MRTFA: variants seen among roughly 807,000 people sequenced by gnomAD.
The protein encoded by MRTFA is myocardin related transcription factor A.
Under a neutral mutation model 83.5 loss-of-function variants are expected in MRTFA, and 20 were observed. The ratio of observed to expected loss-of-function variants is 0.24; its 90% confidence interval spans 0.17 to 0.35. The LOEUF is 0.35. Ranked by LOEUF, MRTFA falls within the 10% of genes least tolerant of loss-of-function variation. The pLI is 1.00. For missense variants in MRTFA, 1,200 were observed against 1,224.7 expected, an observed-to-expected ratio of 0.98 and a Z score of 0.30; for synonymous variants, 659 against 541.2, an observed-to-expected ratio of 1.22 and a Z score of -3.02.
At chr22:40,545,789 A>G (rs977336098) in intron 3 of MRTFA, among the ~76,000 whole-genome samples, 1 of 146,540 alleles carries the variant, frequency 6.8e-6, no homozygotes. Context: ...GCTGGAGTGT[A>G]GTGGTGTGAT....
chr22:40,458,315 TTC>T (rs1484798803), intron 4 of MRTFA, among the ~76,000 whole-genome samples: 1 of 152,232 alleles, frequency 6.6e-6, no homozygotes, highest in African/African-American at 2.4e-5. Flanking sequence ...TGCAAAATGA[TTC>T]TGTTTAATAG....
intron 3 of MRTFA, among the ~76,000 whole-genome samples, chr22:40,487,915 A>G (rs1478611288): frequency 6.6e-6 from 1 of 152,340 alleles, no homozygotes; most frequent in South Asian, 2.1e-4. Flanking sequence ...CCTAATGCAT[A>G]TGAACCACCT....
chr22:40,533,202 T>C (rs1042941781), intron 3 of MRTFA, among the ~76,000 whole-genome samples: 3 of 152,138 alleles, frequency 2.0e-5, no homozygotes, highest in Non-Finnish European at 2.9e-5. Flanking sequence ...AATTTAAAGA[T>C]GCTTTCATAA....
At position 40,410,991 on chromosome 22, in the gene MRTFA, G is replaced by GAAGA. The variant is rs1250458593; in HGVS notation, c.*398_*399insTCTT. 4.1e-6 allele frequency: 1 copy of GAAGA among 241,744 alleles called. No homozygotes were observed. Among genetic ancestry groups the GAAGA allele is most frequent in the Non-Finnish European group, 8.0e-6 (1 of 124,526 alleles). The allele number at this position is 241,744 out of a possible 1,614,324, so 15.0% of individuals were successfully genotyped here. A position where few individuals can be genotyped will look rare whatever the true frequency, so the allele number is the denominator to read the frequency against. ...TTCACAGCAAAGCAGGGAGAGAAAG[G>GAAGA]AAGGAGATTCACCCCTTAACCTGTC... is the stretch of plus-strand genomic sequence containing the variant. On this transcript the variant is annotated 3_prime_UTR_variant, in exon 15 of 15. Transcript: ENST00000355630.
intron 1 of MRTFA, among the ~76,000 whole-genome samples, chr22:40,610,614 T>C (rs2056375846): frequency 6.7e-6 from 1 of 149,838 alleles, no homozygotes; most frequent in East Asian, 2.1e-4. Flanking sequence ...ATCTCAAGTA[T>C]TGTACTTTTT....
chr22:40,454,084 G>A (rs1461716035), intron 4 of MRTFA, among the ~76,000 whole-genome samples: 4 of 152,010 alleles, frequency 2.6e-5, no homozygotes, highest in South Asian at 2.1e-4. Flanking sequence ...CCACTGATAG[G>A]AAAGAAAGTA....
chr22:40,417,795 C>T (rs1180562723), intron 12 of MRTFA: 1 of 380,236 alleles, frequency 2.6e-6, no homozygotes, highest in East Asian at 5.8e-5. Flanking sequence ...GCTCAGGGAC[C>T]CCTGTCTCCT....
chr22:40,485,713 G>T (rs567581022), intron 3 of MRTFA, among the ~76,000 whole-genome samples: 3 of 152,314 alleles, frequency 2.0e-5, no homozygotes, highest in South Asian at 4.1e-4. Flanking sequence ...TGGTGGGGAA[G>T]AGTAGGGAGG....
At chr22:40,551,341 G>A (rs1287545520) in intron 3 of MRTFA, among the ~76,000 whole-genome samples, 6 of 152,042 alleles carry the variant, frequency 3.9e-5, no homozygotes, top group Admixed American at 2.0e-4. Context: ...AACATGCCAA[G>A]AAATTTATTC....
chr22:40,580,071 T>C (rs980592258), intron 2 of MRTFA, among the ~76,000 whole-genome samples: 3 of 152,184 alleles, frequency 2.0e-5, no homozygotes, highest in Non-Finnish European at 4.4e-5. Context: ...ACCACATTCA[T>C]TGTACTTCTT....
rs146640938 is a variant in MRTFA, at chr22:40,504,899, C to G, written c.242-41613G>C. Among the ~76,000 whole-genome samples, 416 of 152,280 alleles carry G rather than the reference C, an allele frequency of 2.7e-3. 4 individuals carry two copies. The highest frequency in any genetic ancestry group is 9.6e-3 in the African/African-American group (398 of 41,544). On this transcript the variant is annotated intron_variant, in intron 3 of 14. Transcript: ENST00000355630. Reference sequence around the variant, plus strand: ...TTAAAACTTACCTATTCTAAGAAACCTTCTCAAAAAGCTGATCCTCTACTT... The same window carrying G: ...TTAAAACTTACCTATTCTAAGAAACGTTCTCAAAAAGCTGATCCTCTACTT...
intron 11 of MRTFA, among the ~76,000 whole-genome samples, chr22:40,419,910 AGGCAGACACTGCACCTGAAC>A (rs1157064230): frequency 6.6e-6 from 1 of 152,228 alleles, no homozygotes; most frequent in Non-Finnish European, 1.5e-5. Flanking sequence ...CTCTCTTCCC[AGGCAGACACTGCACCTGAAC>A]GGCAGAGTGA....
At chr22:40,423,735 T>G (rs1173560470) in intron 8 of MRTFA, 50 bp from the exon 9 acceptor site, 3 of 1,451,750 alleles carry the variant, frequency 2.1e-6, no homozygotes, top group African/African-American at 2.9e-5. Flanking sequence ...AGGTAGGGTG[T>G]GCCCAGCCTG....
In MRTFA at chr22:40,411,374, G is replaced by C; in HGVS notation, c.*16C>G. On this transcript the variant is annotated 3_prime_UTR_variant, in exon 15 of 15. Transcript: ENST00000355630. ...TGGCTCCCAGCCCCTTCCCCACCCC[G>C]TCTTGAGCCAGAGAGCTACAAGCAG... is the stretch of plus-strand genomic sequence containing the variant. The C allele has an allele frequency of 3.9e-6, 6 of 1,539,806 alleles. No homozygotes were observed. The highest frequency in any genetic ancestry group is 5.3e-6 in the Non-Finnish European group (6 of 1,135,772).
intron 3 of MRTFA, among the ~76,000 whole-genome samples, chr22:40,548,915 G>A (rs1456042815): frequency 4.0e-5 from 6 of 151,542 alleles, no homozygotes; most frequent in African/African-American, 1.2e-4. Context: ...ATTATATCCA[G>A]GAACAAAACT....
At chr22:40,425,889 T>C (rs1163730852) in intron 7 of MRTFA, among the ~76,000 whole-genome samples, 4 of 152,092 alleles carry the variant, frequency 2.6e-5, no homozygotes, top group Admixed American at 2.0e-4. Context: ...CTACAGACTA[T>C]TTCTCTCTCC....
chr22:40,604,075 G>A (rs1447942885), intron 1 of MRTFA, among the ~76,000 whole-genome samples: 1 of 151,256 alleles, frequency 6.6e-6, no homozygotes, highest in African/African-American at 2.4e-5. Flanking sequence ...AGAACAAAGT[G>A]ATTCTTGGAA....
intron 4 of MRTFA, among the ~76,000 whole-genome samples, chr22:40,447,907 C>T (rs942269740): frequency 6.6e-6 from 1 of 152,046 alleles, no homozygotes; most frequent in South Asian, 2.1e-4. Flanking sequence ...GTATAGAAAA[C>T]GAAGTGTGTG....
chr22:40,548,665 ACCATCCTGGCCAACATGGTGAAACC>A lies in MRTFA; in HGVS notation c.241+3416_241+3440del, dbSNP rs1438844266. Among the ~76,000 whole-genome samples, 4 of 152,210 alleles carry A rather than the reference ACCATCCTGGCCAACATGGTGAAACC, an allele frequency of 2.6e-5. No individual in the cohort carries two copies. In the South Asian group the frequency reaches 8.3e-4, roughly 32 times the overall value. The stretch of plus-strand genomic sequence containing the variant: ...CACAAGGTCAAGAGATCATCAAGAC[ACCATCCTGGCCAACATGGTGAAACC>A]CCATCTCTACTAAAAATACAAAAAT... On this transcript the variant is annotated intron_variant, in intron 3 of 14. Coordinates refer to ENST00000355630, the MANE Select transcript of MRTFA (RefSeq NM_020831.6).
Sources: gnomAD v4.1 joint callset for allele counts (sites outside exome capture counted in the v4.1 genomes callset) on GRCh38, gnomAD v4.1.1 for gene constraint, MANE v1.5 for transcripts, NCBI Gene and HGNC (gene_info 2026-07-23, HGNC 2026-07-21) for gene names.